The following ARHGAP19 variants were observed in gnomAD, a reference collection of about 807,000 sequenced individuals.
ARHGAP19 encodes the protein rho GTPase-activating protein 19.
Under a neutral mutation model 60.9 loss-of-function variants are expected in ARHGAP19, and 48 were observed. That is an observed-to-expected ratio of 0.79 (90% CI 0.62 to 1.00). ARHGAP19 has a LOEUF of 1.00. ARHGAP19 is among the 50% of genes least tolerant of loss of function. The pLI is 0.00. For synonymous variants in ARHGAP19, 209 were observed against 215.5 expected (o/e 0.97, Z 0.27); for missense variants, 562 against 597.2 (o/e 0.94, Z 0.61).
Position 97,223,829 on chromosome 10 carries a change from GT to G in ARHGAP19, c.*2292del, listed in dbSNP as rs1159863796. The G allele has an allele frequency of 1.3e-5, 2 of 152,088 alleles. No homozygotes were observed. Among genetic ancestry groups the G allele is most frequent in the Non-Finnish European group, 2.9e-5 (2 of 68,014 alleles). 9.4% of individuals were successfully genotyped at this position (152,088 alleles called of 1,614,324 possible). On this transcript the variant is annotated 3_prime_UTR_variant, in exon 12 of 12. Coordinates refer to ENST00000358531, the MANE Select transcript of ARHGAP19 (RefSeq NM_032900.6). The stretch of plus-strand genomic sequence containing the variant: ...ATAGTTACATATTACAAGGTAGAAG[GT>G]TATGCTGCTTACTCCTCAAATTTGG...
At chr10:97,234,442 C>T (rs1851092129) in intron 9 of ARHGAP19, among the ~76,000 whole-genome samples, 1 of 142,400 alleles carries the variant, frequency 7.0e-6, no homozygotes, top group Admixed American at 6.9e-5. Flanking sequence ...AAAAAAGATA[C>T]TCAGTGCTTT....
chr10:97,232,301 C>A (rs917800757), intron 9 of ARHGAP19, among the ~76,000 whole-genome samples: 2 of 151,520 alleles, frequency 1.3e-5, no homozygotes, highest in Admixed American at 6.6e-5. Flanking sequence ...GTAGCTGGGA[C>A]TACAGGCACA....
chr10:97,239,553 TGTGTGTGTG>T (rs1842441655), intron 8 of ARHGAP19, among the ~76,000 whole-genome samples: 44 of 10,300 alleles, frequency 4.3e-3, no homozygotes, highest in African/African-American at 5.5e-3. Context: ...AGAGAGAGGG[TGTGTGTGTG>T]TGTGTGTGTG....
intron 1 of ARHGAP19, among the ~76,000 whole-genome samples, chr10:97,280,101 A>G (rs1843064536): frequency 6.6e-6 from 1 of 152,154 alleles, no homozygotes; most frequent in African/African-American, 2.4e-5. Flanking sequence ...GAAGAAAGTT[A>G]TTTGTATTAA....
At chr10:97,272,117 G>A (rs1394174524) in intron 1 of ARHGAP19, among the ~76,000 whole-genome samples, 1 of 143,466 alleles carries the variant, frequency 7.0e-6, no homozygotes, top group Non-Finnish European at 1.5e-5. Context: ...TATACACTTA[G>A]GTGGGAAATA....
rs1462614238 is a variant in ARHGAP19, at chr10:97,225,963, T to C, written c.*159A>G. 1 of 663,284 alleles carries C rather than the reference T, an allele frequency of 1.5e-6. No homozygotes were observed. The highest frequency in any genetic ancestry group is 1.8e-5 in the African/African-American group (1 of 54,564). The allele number at this position is 663,284 out of a possible 1,614,324, so 41.1% of individuals were successfully genotyped here. A position where few individuals can be genotyped will look rare whatever the true frequency, so the allele number is the denominator to read the frequency against. ...CAGCTTGCAAACATCATCCAGTGAG[T>C]GGGGTTAGAGGTATCAGTCGGGTCA... On this transcript the variant is annotated 3_prime_UTR_variant, in exon 12 of 12. Coordinates refer to ENST00000358531, the MANE Select transcript of ARHGAP19 (RefSeq NM_032900.6).
chr10:97,287,914 T>C (rs1392278705), intron 1 of ARHGAP19, among the ~76,000 whole-genome samples: 1 of 152,060 alleles, frequency 6.6e-6, no homozygotes, highest in Non-Finnish European at 1.5e-5. Flanking sequence ...AATACAAAAT[T>C]AGCCGGGCTT....
chr10:97,260,914 T>C (rs1452231438), intron 4 of ARHGAP19, among the ~76,000 whole-genome samples: 2 of 135,382 alleles, frequency 1.5e-5, no homozygotes, highest in African/African-American at 5.6e-5. Flanking sequence ...GGCAACATGG[T>C]GAAACCCCAT....
intron 6 of ARHGAP19, among the ~76,000 whole-genome samples, chr10:97,253,441 A>G (rs76549255): frequency 0.042 from 6,432 of 151,738 alleles, 208 homozygotes; most frequent in Non-Finnish European, 0.06. Context: ...AGAAAAAAAG[A>G]TTGATCTCAT....
chr10:97,228,263 A>G (rs1225192861), intron 11 of ARHGAP19, among the ~76,000 whole-genome samples: 1 of 152,230 alleles, frequency 6.6e-6, no homozygotes, highest in African/African-American at 2.4e-5. Flanking sequence ...CTCATATCCC[A>G]GTGATAAAAC....
At chr10:97,271,726 G>A (rs1312029790) in intron 1 of ARHGAP19, among the ~76,000 whole-genome samples, 2 of 151,828 alleles carry the variant, frequency 1.3e-5, no homozygotes, top group South Asian at 2.1e-4. Flanking sequence ...TTGTCACCCA[G>A]GCTGCAGTGT....
At chr10:97,259,303 T>C in intron 5 of ARHGAP19, 99 bp downstream of exon 5, 1 of 977,742 alleles carries the variant, frequency 1.0e-6, no homozygotes, top group South Asian at 1.4e-5. Context: ...AGCTGAAGGC[T>C]AGACCTTGGA....
At chr10:97,230,990 G>A (rs1850998778) in intron 9 of ARHGAP19, among the ~76,000 whole-genome samples, 2 of 133,952 alleles carry the variant, frequency 1.5e-5, no homozygotes, top group Admixed American at 1.7e-4. Flanking sequence ...CCAGGAAGTG[G>A]AAGTTGCAGT....
At chr10:97,240,262 AT>A (rs35958306) in intron 8 of ARHGAP19, among the ~76,000 whole-genome samples, 75,165 of 151,980 alleles carry the variant, frequency 0.49, 20,762 homozygotes, top group East Asian at 0.71. Context: ...GAAAATACTT[AT>A]GAACAAAAAT....
intron 6 of ARHGAP19, among the ~76,000 whole-genome samples, chr10:97,250,762 T>C (rs1304045313): frequency 6.6e-6 from 1 of 152,000 alleles, no homozygotes; most frequent in Non-Finnish European, 1.5e-5. Flanking sequence ...TCTATTCTAT[T>C]TCATTTAAAA....
intron 6 of ARHGAP19, 151 bp from the exon 7 acceptor site, chr10:97,246,488 C>A: frequency 1.6e-6 from 1 of 615,120 alleles, no homozygotes; most frequent in Non-Finnish European, 2.9e-6. Context: ...CCCTCCATAG[C>A]TTCCTTTCTC....
At chr10:97,283,724 G>A (rs529514007) in intron 1 of ARHGAP19, among the ~76,000 whole-genome samples, 2 of 151,658 alleles carry the variant, frequency 1.3e-5, no homozygotes, top group South Asian at 4.2e-4. Flanking sequence ...ACCAGACATG[G>A]TGGCTCACAC....
intron 1 of ARHGAP19, among the ~76,000 whole-genome samples, chr10:97,291,511 C>A (rs574828623): frequency 9.2e-5 from 14 of 152,122 alleles, no homozygotes; most frequent in Non-Finnish European, 2.1e-4. Context: ...CCAGGCTGGT[C>A]TCGAACTCCT....
At position 97,244,049 on chromosome 10, in the gene ARHGAP19, A is replaced by G. The variant is rs768022013; in HGVS notation, c.1104T>C (p.His368=). Residue 368 remains histidine (H), a synonymous_variant, in exon 8 of 12, where the codon CAT becomes CAC. Coordinates refer to ENST00000358531, the MANE Select transcript of ARHGAP19 (RefSeq NM_032900.6). The part of the protein sequence containing the change: ...SCPHQEETQH[H]TEEALRELFQ... The stretch of plus-strand genomic sequence containing the variant: ...ACAGCTCTCTCAGTGCCTCTTCCGT[A>G]TGGTGCTGGGTCTCCTCCTGGTGAG... The G allele has an allele frequency of 3.1e-6, 5 of 1,613,914 alleles. No individual in the cohort carries two copies. The highest frequency in any genetic ancestry group is 1.7e-5 in the Admixed American group (1 of 59,972).
Sources: gnomAD v4.1 joint callset for allele counts (sites outside exome capture counted in the v4.1 genomes callset) on GRCh38, gnomAD v4.1.1 for gene constraint, MANE v1.5 for transcripts, NCBI Gene and HGNC (gene_info 2026-07-23, HGNC 2026-07-21) for gene names.